HOOK1: variants seen among roughly 807,000 people sequenced by gnomAD.
HOOK1 encodes hook microtubule tethering protein 1.
HOOK1 carries 60 observed loss-of-function variants against 112.8 expected under a neutral mutation model. That is an observed-to-expected ratio of 0.53 (90% confidence interval 0.43 to 0.66). HOOK1 has a LOEUF of 0.66. Ranked by LOEUF, HOOK1 falls within the 30% of genes least tolerant of loss-of-function variation. The pLI is 0.00. For missense variants in HOOK1, 770 were observed against 856.0 expected (o/e 0.90, Z 1.25); for synonymous variants, 294 against 283.8 (o/e 1.04, Z -0.36).
chr1:59,837,012 C>T (rs1000315465), intron 7 of HOOK1, 77 bp downstream of exon 7: 1 of 870,540 alleles, frequency 1.1e-6, no homozygotes, highest in East Asian at 2.5e-5. Context: ...ATAAGGCTTA[C>T]AAAGAGAGCA....
At chr1:59,867,801 A>G (rs538601496) in intron 19 of HOOK1, among the ~76,000 whole-genome samples, 19 of 152,158 alleles carry the variant, frequency 1.2e-4, no homozygotes, top group Non-Finnish European at 2.4e-4. Flanking sequence ...TAATAATAGT[A>G]AAAAAGATTA....
intron 12 of HOOK1, among the ~76,000 whole-genome samples, chr1:59,852,028 T>G (rs1380483349): frequency 6.6e-6 from 1 of 151,760 alleles, no homozygotes; most frequent in East Asian, 1.9e-4. Flanking sequence ...TACTTGTTCA[T>G]AATATATACT....
At chr1:59,815,441 C>T in intron 1 of HOOK1, 1 of 529,288 alleles carries the variant, frequency 1.9e-6, no homozygotes, top group African/African-American at 2.0e-5. Context: ...CCAGAGGATT[C>T]GACCTGCCTG....
At position 59,862,832 on chromosome 1, in the gene HOOK1, C is replaced by A. The variant is rs544391740; in HGVS notation, c.1581C>A (p.Leu527=). 3 of 1,612,288 alleles carry A rather than the reference C, an allele frequency of 1.9e-6. No individual in the cohort carries two copies. In the African/African-American group the frequency reaches 4.0e-5, roughly 22 times the overall value. ...IRELQQQIED[L]QKSLQEQGSK... ...AATTGCAGCAGCAGATTGAGGACCT[C>A]CAGAAATCTTTACAGGAACAAGGTT... is the stretch of plus-strand genomic sequence containing the variant. The change falls in exon 16 of 22, where the codon CTC becomes CTA. Residue 527 remains leucine, a synonymous_variant. Coordinates refer to ENST00000371208, the MANE Select transcript of HOOK1 (RefSeq NM_015888.6).
Position 59,876,108 on chromosome 1 carries a change from A to G in HOOK1, c.*3143A>G, listed in dbSNP as rs923400307. The G allele has an allele frequency of 6.6e-6, 1 of 152,666 alleles. No homozygotes were observed. The highest frequency in any genetic ancestry group is 1.5e-5 in the Non-Finnish European group (1 of 68,030). 9.5% of individuals were successfully genotyped at this position (152,666 alleles called of 1,614,324 possible). On this transcript the variant is annotated 3_prime_UTR_variant, in exon 22 of 22. Coordinates refer to ENST00000371208, the MANE Select transcript of HOOK1 (RefSeq NM_015888.6). ...ATACATTTTTATTGTGCACCTGTAC[A>G]TTGTGAAGAAGTAGTTTGGAAATTT...
intron 12 of HOOK1, among the ~76,000 whole-genome samples, chr1:59,850,604 G>A (rs978157912): frequency 2.0e-5 from 3 of 151,460 alleles, no homozygotes; most frequent in African/African-American, 7.3e-5. Flanking sequence ...AGTACCACCA[G>A]TTGATAAAAC....
At chr1:59,837,962 G>C (rs1392509339) in intron 7 of HOOK1, among the ~76,000 whole-genome samples, 2 of 152,064 alleles carry the variant, frequency 1.3e-5, no homozygotes, top group African/African-American at 4.8e-5. Context: ...TTCTGATCTT[G>C]AGATAGTTTG....
chr1:59,867,258 C>T (rs1643981824), intron 19 of HOOK1, among the ~76,000 whole-genome samples: 1 of 152,122 alleles, frequency 6.6e-6, no homozygotes, highest in Non-Finnish European at 1.5e-5. Flanking sequence ...CTATGATTTG[C>T]TCTTTGTAAT....
At position 59,875,664 on chromosome 1, in the gene HOOK1, C is replaced by T. The variant is rs1644119087; in HGVS notation, c.*2699C>T. The T allele has an allele frequency of 6.6e-6, 1 of 152,200 alleles. No individual in the cohort carries two copies. The highest frequency in any genetic ancestry group is 2.4e-5 in the African/African-American group (1 of 41,472). 9.4% of individuals were successfully genotyped at this position (152,200 alleles called of 1,614,324 possible). On this transcript the variant is annotated 3_prime_UTR_variant, in exon 22 of 22. Coordinates refer to ENST00000371208, the MANE Select transcript of HOOK1 (RefSeq NM_015888.6). ...TAAAGTAAAACCACAGACCAATTTG[C>T]AAATGATCTTCAATGTTAAGCACTT... is the stretch of plus-strand genomic sequence containing the variant.
At chr1:59,846,837 A>T (rs1230016542) in intron 9 of HOOK1, among the ~76,000 whole-genome samples, 1 of 151,296 alleles carries the variant, frequency 6.6e-6, no homozygotes, top group African/African-American at 2.4e-5. Context: ...ATTGCGACTG[A>T]TTTCTAATTT....
At position 59,873,047 on chromosome 1, in the gene HOOK1, A is replaced by G. The variant is rs189487422; in HGVS notation, c.*82A>G. On this transcript the variant is annotated 3_prime_UTR_variant, in exon 22 of 22. Transcript: ENST00000371208. The stretch of plus-strand genomic sequence containing the variant: ...AATATTTTGTACCTTTCAACTAACT[A>G]CCAGATTGAAAAAGAGTTTATGATG... The G allele has an allele frequency of 9.3e-7, 1 of 1,072,098 alleles. No homozygotes were observed. Among genetic ancestry groups the G allele is most frequent in the African/African-American group, 1.6e-5 (1 of 61,110 alleles). 66.4% of individuals were successfully genotyped at this position (1,072,098 alleles called of 1,614,324 possible).
Position 59,873,143 on chromosome 1 carries a change from T to G in HOOK1, c.*178T>G. On this transcript the variant is annotated 3_prime_UTR_variant, in exon 22 of 22. Coordinates refer to ENST00000371208, the MANE Select transcript of HOOK1 (RefSeq NM_015888.6). ...GCCAGTTGACTTTAAAAACAAATTA[T>G]AGAATTAGCCATCTCTCTGAGGGAG... 2.2e-6 allele frequency: 1 copy of G among 458,862 alleles called. No individual in the cohort carries two copies. The highest frequency in any genetic ancestry group is 3.5e-5 in the East Asian group (1 of 28,830). 28.4% of individuals were successfully genotyped at this position (458,862 alleles called of 1,614,324 possible). A position where few individuals can be genotyped will look rare whatever the true frequency, so the allele number is the denominator to read the frequency against.
chr1:59,834,060 T>C (rs2098395905), intron 5 of HOOK1, among the ~76,000 whole-genome samples: 1 of 152,164 alleles, frequency 6.6e-6, no homozygotes, highest in African/African-American at 2.4e-5. Flanking sequence ...CATATTTTGC[T>C]GAGTACAAAA....
intron 2 of HOOK1, among the ~76,000 whole-genome samples, chr1:59,827,055 C>T (rs922479437): frequency 5.9e-5 from 9 of 152,076 alleles, no homozygotes; most frequent in East Asian, 1.9e-4. Context: ...ATGAGCCATG[C>T]GCCTGGCCCA....
intron 8 of HOOK1, among the ~76,000 whole-genome samples, chr1:59,842,651 A>G (rs1574197015): frequency 1.3e-5 from 2 of 152,136 alleles, no homozygotes; most frequent in Non-Finnish European, 2.9e-5. Context: ...TCAGTAATAC[A>G]CTGGAAATCA....
At chr1:59,817,186 G>T (rs2098382228) in intron 1 of HOOK1, among the ~76,000 whole-genome samples, 1 of 152,150 alleles carries the variant, frequency 6.6e-6, no homozygotes, top group Non-Finnish European at 1.5e-5. Flanking sequence ...AGAGAACAAA[G>T]AGCCACTATT....
chr1:59,851,871 G>A (rs1321899952), intron 12 of HOOK1, among the ~76,000 whole-genome samples: 1 of 151,622 alleles, frequency 6.6e-6, no homozygotes, highest in Non-Finnish European at 1.5e-5. Flanking sequence ...GTTGCATGCT[G>A]TTATCCTAAA....
chr1:59,814,975 A>T lies in HOOK1; in HGVS notation c.-143A>T. On this transcript the variant is annotated 5_prime_UTR_variant, in exon 1 of 22. Coordinates refer to ENST00000371208, the MANE Select transcript of HOOK1 (RefSeq NM_015888.6). ...TGACGCCGGACGCGTCGACAGCGCG[A>T]GGGTTCGCGCGTGAGCTGCGCGGGT... The T allele has an allele frequency of 2.6e-6, 2 of 764,226 alleles. No individual in the cohort carries two copies. The highest frequency in any genetic ancestry group is 1.8e-5 in the African/African-American group (1 of 54,890). The allele number at this position is 764,226 out of a possible 1,614,324, so 47.3% of individuals were successfully genotyped here. A position where few individuals can be genotyped will look rare whatever the true frequency, so the allele number is the denominator to read the frequency against.
In HOOK1 at chr1:59,836,950, A is replaced by G. The variant is rs774539945; in HGVS notation, c.537+15A>G. 15 of 1,549,012 alleles carry G rather than the reference A, an allele frequency of 9.7e-6. No individual in the cohort carries two copies. Among genetic ancestry groups the G allele is most frequent in the Non-Finnish European group, 1.2e-5 (14 of 1,126,942 alleles). ...TGGAGCAACAGGTGAGTATTTTAGT[A>G]TGGAAGAAAAATGTTGAAAGCAATG... is the stretch of plus-strand genomic sequence containing the variant. On this transcript the variant is annotated intron_variant, in intron 7 of 21. Transcript: ENST00000371208.
Sources: gnomAD v4.1 joint callset for allele counts (sites outside exome capture counted in the v4.1 genomes callset) on GRCh38, gnomAD v4.1.1 for gene constraint, MANE v1.5 for transcripts, NCBI Gene and HGNC (gene_info 2026-07-23, HGNC 2026-07-21) for gene names.